The following NAALADL2 variants were observed in gnomAD, a reference collection of about 807,000 sequenced individuals.
The protein encoded by NAALADL2 is N-acetylated alpha-linked acidic dipeptidase like 2, also known as inactive N-acetylated-alpha-linked acidic dipeptidase-like protein 2.
Under a neutral mutation model 87.2 loss-of-function variants are expected in NAALADL2, and 76 were observed. The ratio of observed to expected loss-of-function variants is 0.87; its 90% CI spans 0.72 to 1.05. The LOEUF (loss-of-function observed/expected upper bound fraction) is 1.05. NAALADL2 is among the 50% of genes least tolerant of loss of function. NAALADL2 has a pLI of 0.00. For missense variants in NAALADL2, 1,089 were observed against 945.8 expected, an observed-to-expected ratio of 1.15 and a Z score of -1.99; for synonymous variants, 354 against 331.0, an observed-to-expected ratio of 1.07 and a Z score of -0.75.
At chr3:175,052,171 C>T (rs1755488104) in intron 1 of NAALADL2, among the ~76,000 whole-genome samples, 1 of 152,210 alleles carries the variant, frequency 6.6e-6, no homozygotes, top group Non-Finnish European at 1.5e-5. Context: ...AGGAGCATGT[C>T]CTTAAGGCAC....
chr3:174,681,932 A>T (rs1299537714), intron 2 of NAALADL2, among the ~76,000 whole-genome samples: 1 of 152,114 alleles, frequency 6.6e-6, no homozygotes, highest in South Asian at 2.1e-4. Flanking sequence ...AGTGCCCCAG[A>T]CCTAGCAGCA....
chr3:175,372,657 C>A (rs1263422790), intron 5 of NAALADL2, among the ~76,000 whole-genome samples: 1 of 152,178 alleles, frequency 6.6e-6, no homozygotes, highest in Non-Finnish European at 1.5e-5. Flanking sequence ...TTGGCCTTAA[C>A]TAAAATGGGA....
chr3:174,919,089 C>T (rs1158713742), intron 1 of NAALADL2, among the ~76,000 whole-genome samples: 2 of 151,786 alleles, frequency 1.3e-5, no homozygotes, highest in African/African-American at 4.8e-5. Flanking sequence ...CTAAAAAATC[C>T]TAGCAGTATT....
At chr3:174,983,377 TG>T (rs1745387916) in intron 1 of NAALADL2, among the ~76,000 whole-genome samples, 1 of 152,118 alleles carries the variant, frequency 6.6e-6, no homozygotes. Flanking sequence ...GCTTGGCATG[TG>T]AAAGTTAGAT....
intron 4 of NAALADL2, among the ~76,000 whole-genome samples, chr3:175,274,060 A>G (rs964461647): frequency 1.3e-5 from 2 of 152,206 alleles, no homozygotes; most frequent in Non-Finnish European, 2.9e-5. Context: ...CATACTGCTA[A>G]TAAAGAATAG....
rs1312375154 is a variant in NAALADL2, at chr3:175,562,507, T to C, written c.1654-13534T>C. Among the ~76,000 whole-genome samples, 6 of 152,074 alleles carry C rather than the reference T, an allele frequency of 3.9e-5. No homozygotes were observed. The South Asian group carries it at 1.2e-3, about 32-fold the overall frequency. ...AGTTATACCACTATTTTTGATACTA[T>C]TTTTTCTTGTTTTCCAATCACAGAT... is the stretch of plus-strand genomic sequence containing the variant. On this transcript the variant is annotated intron_variant, in intron 9 of 13. Coordinates refer to ENST00000454872, the MANE Select transcript of NAALADL2 (RefSeq NM_207015.3).
rs1458599872 is a variant in NAALADL2 at position 175,423,051 on chromosome 3, A to ATATATATTTT, written c.1091-24177_1091-24176insATATATTTTT. ...AAAATATATATATATATATATATAT[A>ATATATATTTT]TTTTTTTTTTTTCCTGAGTTGTAGA... On this transcript the variant is annotated intron_variant, in intron 5 of 13. Transcript: ENST00000454872. 6.5e-3 allele frequency among the ~76,000 whole-genome samples: 596 copies of ATATATATTTT among 91,414 alleles called. 3 individuals carry two copies. The highest frequency in any genetic ancestry group is 0.01 in the Non-Finnish European group (516 of 49,554). The allele number at this position is 91,414 out of a possible 152,430, so 60.0% of individuals were successfully genotyped here. A position where few individuals can be genotyped will look rare whatever the true frequency, so the allele number is the denominator to read the frequency against.
At chr3:174,557,331 T>C (rs967184835) in intron 2 of NAALADL2, among the ~76,000 whole-genome samples, 1 of 152,204 alleles carries the variant, frequency 6.6e-6, no homozygotes, top group Admixed American at 6.5e-5. Flanking sequence ...ACTGTGAACA[T>C]AAAAATTTAG....
intron 1 of NAALADL2, among the ~76,000 whole-genome samples, chr3:174,953,634 G>C (rs533181385): frequency 2.2e-4 from 34 of 151,966 alleles, no homozygotes; most frequent in African/African-American, 8.0e-4. Context: ...ACAGATAGTT[G>C]ATGCACGGTG....
At chr3:175,219,739 T>C (rs1474712754) in intron 2 of NAALADL2, among the ~76,000 whole-genome samples, 1 of 151,904 alleles carries the variant, frequency 6.6e-6, no homozygotes, top group Non-Finnish European at 1.5e-5. Context: ...GGCATCATAG[T>C]GCAAGTCAAA....
intron 9 of NAALADL2, among the ~76,000 whole-genome samples, chr3:175,558,118 C>T (rs1447669271): frequency 6.8e-6 from 1 of 147,998 alleles, no homozygotes; most frequent in Non-Finnish European, 1.5e-5. Context: ...TGGCGTGAAC[C>T]CGGGAGGCGG....
intron 3 of NAALADL2, among the ~76,000 whole-genome samples, chr3:174,833,734 C>T (rs1032024930): frequency 2.6e-5 from 4 of 151,908 alleles, no homozygotes; most frequent in African/African-American, 9.7e-5. Context: ...TTCCCAAATG[C>T]AAGTTTCATT....
intron 9 of NAALADL2, among the ~76,000 whole-genome samples, chr3:175,518,528 T>G (rs1339676814): frequency 6.6e-6 from 1 of 152,224 alleles, no homozygotes; most frequent in Non-Finnish European, 1.5e-5. Context: ...AGGAAATTAA[T>G]TGCTTACAGT....
chr3:175,333,793 A>G (rs1761680305), intron 5 of NAALADL2, among the ~76,000 whole-genome samples: 2 of 152,164 alleles, frequency 1.3e-5, no homozygotes, highest in African/African-American at 4.8e-5. Context: ...GTTAACAACA[A>G]TGTATTTCAT....
intron 9 of NAALADL2, among the ~76,000 whole-genome samples, chr3:175,501,684 G>A (rs1355318398): frequency 6.6e-6 from 1 of 152,004 alleles, no homozygotes; most frequent in Non-Finnish European, 1.5e-5. Context: ...AGCAATAGCA[G>A]GTTTCAGAAT....
At chr3:175,308,844 T>C (rs1022088796) in intron 4 of NAALADL2, among the ~76,000 whole-genome samples, 8 of 152,180 alleles carry the variant, frequency 5.3e-5, no homozygotes, top group Admixed American at 3.3e-4. Flanking sequence ...TGACCCTTCT[T>C]TGCCAACTAT....
At chr3:174,777,676 T>A (rs1463804450) in intron 3 of NAALADL2, among the ~76,000 whole-genome samples, 2 of 152,092 alleles carry the variant, frequency 1.3e-5, no homozygotes, top group African/African-American at 4.8e-5. Context: ...ATTCTTTCTG[T>A]CTGGATGAGA....
chr3:175,501,579 A>G (rs1430477940), intron 9 of NAALADL2, among the ~76,000 whole-genome samples: 1 of 152,108 alleles, frequency 6.6e-6, no homozygotes, highest in African/African-American at 2.4e-5. Flanking sequence ...TACAAGACAG[A>G]TAACAAACAG....
chr3:174,738,075 T>C (rs1038587647), intron 3 of NAALADL2, among the ~76,000 whole-genome samples: 2 of 152,174 alleles, frequency 1.3e-5, no homozygotes, highest in Admixed American at 1.3e-4. Context: ...TTAAGTCGTG[T>C]TTTTGGATTA....
Sources: allele counts gnomAD v4.1 joint callset (sites outside exome capture counted in the v4.1 genomes callset), GRCh38; gene constraint gnomAD v4.1.1; transcripts MANE v1.5; gene names NCBI Gene and HGNC (gene_info 2026-07-23, HGNC 2026-07-21).